GPR137C: variants seen among roughly 807,000 people sequenced by gnomAD.
GPR137C encodes G protein-coupled receptor 137C, also known as integral membrane protein GPR137C.
A neutral mutation model predicts 43.4 loss-of-function variants in GPR137C; 27 were observed. That is an observed-to-expected ratio of 0.62 (90% CI 0.46 to 0.86). The LOEUF is 0.86. GPR137C is among the 40% of genes least tolerant of loss of function. The probability of loss-of-function intolerance (pLI) is 0.00; values close to 1 mark genes in which losing one functional copy is unlikely to be tolerated. For missense variants in GPR137C, 522 were observed against 534.6 expected, an observed-to-expected ratio of 0.98 and a Z score of 0.23; for synonymous variants, 285 against 226.9, an observed-to-expected ratio of 1.26 and a Z score of -2.30.
rs542697653 is a variant in GPR137C, at chr14:52,556,516, G to A, written c.444+2925G>A. On this transcript the variant is annotated intron_variant, in intron 1 of 6. Coordinates refer to ENST00000321662, the MANE Select transcript of GPR137C (RefSeq NM_001099652.2). ...CTCCTGGAAGCCTATAGTTGAGAGA[G>A]AGGGGGAAAAAAAAAAGAAAAGCCA... Among the ~76,000 whole-genome samples the A allele has an allele frequency of 8.7e-5, 13 of 148,766 alleles. No individual in the cohort carries two copies. In the South Asian group the frequency reaches 2.8e-3, roughly 32 times the overall value.
intron 1 of GPR137C, among the ~76,000 whole-genome samples, chr14:52,553,816 G>C (rs1455170315): frequency 6.6e-6 from 1 of 152,224 alleles, no homozygotes; most frequent in Non-Finnish European, 1.5e-5. Context: ...GGGTGAGTGA[G>C]TGAGTGTGTG....
At chr14:52,600,030 T>C (rs778367099) in intron 2 of GPR137C, 83 bp from the exon 3 acceptor site, 1 of 851,616 alleles carries the variant, frequency 1.2e-6, no homozygotes, top group African/African-American at 1.7e-5. Flanking sequence ...GGAATTCTTG[T>C]ACCTAACATA....
intron 1 of GPR137C, among the ~76,000 whole-genome samples, chr14:52,587,620 A>T (rs1409462606): frequency 1.3e-5 from 2 of 152,182 alleles, no homozygotes; most frequent in African/African-American, 4.8e-5. Context: ...AAATACAAAA[A>T]TTAACTGGGC....
intron 1 of GPR137C, among the ~76,000 whole-genome samples, chr14:52,570,804 A>G (rs866629632): frequency 1.3e-5 from 2 of 152,186 alleles, no homozygotes; most frequent in African/African-American, 2.4e-5. Flanking sequence ...CTAAATATAT[A>G]TGCACCCAAT....
intron 1 of GPR137C, among the ~76,000 whole-genome samples, chr14:52,583,353 TTG>T (rs1453501583): frequency 6.6e-6 from 1 of 152,210 alleles, no homozygotes; most frequent in Non-Finnish European, 1.5e-5. Flanking sequence ...TAGCAGATAA[TTG>T]TGTTTAAGCC....
chr14:52,632,604 G>A (rs751800032), intron 4 of GPR137C, among the ~76,000 whole-genome samples: 1 of 151,966 alleles, frequency 6.6e-6, no homozygotes, highest in African/African-American at 2.4e-5. Context: ...TAATGATGAT[G>A]TTTAAATATT....
intron 1 of GPR137C, among the ~76,000 whole-genome samples, chr14:52,590,803 A>G (rs2038772238): frequency 3.3e-5 from 5 of 152,114 alleles, no homozygotes; most frequent in Admixed American, 3.3e-4. Context: ...TAATGTTCAC[A>G]CACTGACACA....
intron 1 of GPR137C, among the ~76,000 whole-genome samples, chr14:52,582,861 G>T (rs2038665703): frequency 6.6e-6 from 1 of 151,988 alleles, no homozygotes; most frequent in African/African-American, 2.4e-5. Flanking sequence ...TATATGAGTT[G>T]AATATTACAA....
At chr14:52,614,235 T>C (rs1401881983) in intron 3 of GPR137C, among the ~76,000 whole-genome samples, 2 of 149,572 alleles carry the variant, frequency 1.3e-5, no homozygotes, top group South Asian at 2.1e-4. Context: ...GTCCTCCCAC[T>C]TCAGCCTCCC....
chr14:52,597,914 G>T (rs2038876078), intron 1 of GPR137C, among the ~76,000 whole-genome samples: 1 of 152,162 alleles, frequency 6.6e-6, no homozygotes, highest in Non-Finnish European at 1.5e-5. Flanking sequence ...TAAGCAAGAA[G>T]TTCCATTTTA....
At chr14:52,588,311 C>CT (rs892572995) in intron 1 of GPR137C, among the ~76,000 whole-genome samples, 8 of 151,026 alleles carry the variant, frequency 5.3e-5, no homozygotes, top group Admixed American at 1.3e-4. Context: ...CTCCTGGCTG[C>CT]TTTTTTTTTA....
At chr14:52,560,767 C>T (rs1179166806) in intron 1 of GPR137C, among the ~76,000 whole-genome samples, 1 of 152,080 alleles carries the variant, frequency 6.6e-6, no homozygotes, top group Non-Finnish European at 1.5e-5. Context: ...AGATCATAGA[C>T]CTAACTGTAA....
chr14:52,553,273 G>C lies in GPR137C; in HGVS notation c.126G>C (p.Pro42=), dbSNP rs767600236. 1 of 1,464,222 alleles carries C rather than the reference G, an allele frequency of 6.8e-7. No homozygotes were observed. The highest frequency in any genetic ancestry group is 1.3e-5 in the South Asian group (1 of 75,334). The allele number at this position is 1,464,222 out of a possible 1,614,324, so 90.7% of individuals were successfully genotyped here. A position where few individuals can be genotyped will look rare whatever the true frequency, so the allele number is the denominator to read the frequency against. ...CTGCAGCCTCAGGCGCCGCGGTGCC[G>C]GGCTCCGTGCAGTTGGCGCTGAGCG... ...AVAAASGAAV[P]GSVQLALSVL... The change falls in exon 1 of 7, where the codon CCG becomes CCC. Residue 42 remains proline (P), a synonymous_variant. Transcript: ENST00000321662.
chr14:52,599,450 T>TA (rs1491404284), intron 2 of GPR137C, among the ~76,000 whole-genome samples: 3 of 143,896 alleles, frequency 2.1e-5, no homozygotes, highest in South Asian at 2.3e-4. Flanking sequence ...TTTTTTTTTT[T>TA]ATTGATACAG....
rs2139592204 is a variant in GPR137C at position 52,637,555 on chromosome 14, A to C, written c.*2440A>C. The C allele has an allele frequency of 6.6e-6, 1 of 152,256 alleles. No homozygotes were observed. The highest frequency in any genetic ancestry group is 2.4e-5 in the African/African-American group (1 of 41,560). 9.4% of individuals were successfully genotyped at this position (152,256 alleles called of 1,614,324 possible). A position where few individuals can be genotyped will look rare whatever the true frequency, so the allele number is the denominator to read the frequency against. ...TATAGCTAAAGTGGCTTTTTTATGC[A>C]TAGCTGCCTTTTTTATTGTTTAACA... On this transcript the variant is annotated 3_prime_UTR_variant, in exon 7 of 7. Coordinates refer to ENST00000321662, the MANE Select transcript of GPR137C (RefSeq NM_001099652.2).
At position 52,600,305 on chromosome 14, in the gene GPR137C, A is replaced by G; in HGVS notation, c.681A>G (p.Thr227=). 1.2e-6 allele frequency: 2 copies of G among 1,609,910 alleles called. No homozygotes were observed. Among genetic ancestry groups the G allele is most frequent in the Non-Finnish European group, 8.5e-7 (1 of 1,176,690 alleles). ...TAGTGTGTTACATATGCAAAATTAC[A>G]AAAATGTCATCAGCTAATGTCTACC... The part of the protein sequence containing the change: ...ISLVCYICKI[T]KMSSANVYLE... The change falls in exon 3 of 7, where the codon ACA becomes ACG. Residue 227 remains threonine (T), a synonymous_variant. Coordinates refer to ENST00000321662, the MANE Select transcript of GPR137C (RefSeq NM_001099652.2).
chr14:52,630,630 C>A (rs538412721), intron 3 of GPR137C, among the ~76,000 whole-genome samples: 60 of 152,092 alleles, frequency 3.9e-4, no homozygotes, highest in East Asian at 1.9e-3. Flanking sequence ...TCTTTTAGTT[C>A]TTTCTTTTCA....
chr14:52,566,882 C>T (rs1449478765), intron 1 of GPR137C, among the ~76,000 whole-genome samples: 2 of 152,078 alleles, frequency 1.3e-5, no homozygotes, highest in Non-Finnish European at 1.5e-5. Flanking sequence ...GAGGCTGAGG[C>T]GGGTGGATCA....
intron 1 of GPR137C, among the ~76,000 whole-genome samples, chr14:52,582,293 C>T (rs1450537241): frequency 6.6e-6 from 1 of 152,138 alleles, no homozygotes; most frequent in Non-Finnish European, 1.5e-5. Context: ...AAAGGCCCCA[C>T]CTCCTAATAC....
Sources: gnomAD v4.1 joint callset for allele counts (sites outside exome capture counted in the v4.1 genomes callset) on GRCh38, gnomAD v4.1.1 for gene constraint, MANE v1.5 for transcripts, NCBI Gene and HGNC (gene_info 2026-07-23, HGNC 2026-07-21) for gene names.